Variants in CASK observed in about 807,000 individuals in gnomAD.
CASK encodes calcium/calmodulin dependent serine protein kinase.
A neutral mutation model predicts 82.9 loss-of-function variants in CASK; 4 were observed. That is an observed-to-expected ratio of 0.05 (90% CI 0.02 to 0.11). CASK has a LOEUF of 0.11. Ranked by LOEUF, CASK falls within the 10% of genes least tolerant of loss-of-function variation. The probability of loss-of-function intolerance (pLI) is 1.00; values close to 1 mark genes in which losing one functional copy is unlikely to be tolerated. For synonymous variants in CASK, 259 were observed against 253.5 expected, an observed-to-expected ratio of 1.02 and a Z score of -0.20; for missense variants, 358 against 720.9, an observed-to-expected ratio of 0.50 and a Z score of 5.76.
intron 3 of CASK, among the ~76,000 whole-genome samples, chrX:41,786,547 T>C (rs2069608779): frequency 9.1e-6 from 1 of 110,394 alleles, no homozygotes; most frequent in Admixed American, 9.7e-5. Context: ...ATTACAATTT[T>C]GAACAGAATA....
At chrX:41,696,173 G>A (rs1417774282) in intron 5 of CASK, 2 of 1,205,996 alleles carry the variant, frequency 1.7e-6, no homozygotes, top group South Asian at 1.8e-5. Context: ...TAGTATGGAT[G>A]CTTGCTCTTG....
chrX:41,530,065 C>G (rs1346242665), intron 25 of CASK, among the ~76,000 whole-genome samples: 2 of 111,637 alleles, frequency 1.8e-5, no homozygotes, highest in Non-Finnish European at 3.8e-5. Context: ...TTGAGGGAAG[C>G]TGGTCTACTA....
rs1163850833 is a variant in CASK at position 41,765,675 on chromosome X, A to G, written c.279-20074T>C. Among the ~76,000 whole-genome samples the G allele has an allele frequency of 8.1e-5, 9 of 111,776 alleles. No homozygotes were observed. In the Admixed American group the frequency reaches 8.6e-4, roughly 11 times the overall value. Reference sequence around the variant, plus strand: ...AAGTGTGTAAGAAGGGGGGTGGCACAAAATCATATACATATCTTCTCATAT... The same window carrying G: ...AAGTGTGTAAGAAGGGGGGTGGCACGAAATCATATACATATCTTCTCATAT... On this transcript the variant is annotated intron_variant, in intron 3 of 26. Coordinates refer to ENST00000378163, the MANE Select transcript of CASK (RefSeq NM_001367721.1).
chrX:41,620,481 TAC>T (rs1457574717), intron 11 of CASK, among the ~76,000 whole-genome samples: 1 of 111,951 alleles, frequency 8.9e-6, no homozygotes. Context: ...ATTGTATTAC[TAC>T]ACACACACAT....
intron 5 of CASK, among the ~76,000 whole-genome samples, chrX:41,718,623 G>A (rs2068105387): frequency 8.9e-6 from 1 of 112,529 alleles, no homozygotes; most frequent in African/African-American, 3.2e-5. Context: ...CTTGTTGAAT[G>A]AGAGAATAGA....
rs953094616 is a variant in CASK, at chrX:41,811,766, T to G, written c.173-24483A>C. On this transcript the variant is annotated intron_variant, in intron 2 of 26. Transcript: ENST00000378163. ...AGCAGAACTAAAGGAAATAGAGACA[T>G]AAAAAACCCTTCAAAAAATCAATGA... Among the ~76,000 whole-genome samples, 4 of 110,657 alleles carry G rather than the reference T, an allele frequency of 3.6e-5. 1 individual carries two copies. Among genetic ancestry groups the G allele is most frequent in the African/African-American group, 1.3e-4 (4 of 30,411 alleles).
At chrX:41,829,301 G>A (rs184528396) in intron 2 of CASK, among the ~76,000 whole-genome samples, 1 of 110,349 alleles carries the variant, frequency 9.1e-6, no homozygotes, top group Admixed American at 9.7e-5. Flanking sequence ...TTCCCCCACC[G>A]GTAACCACTA....
Position 41,840,280 on chromosome X carries a change from AT to A in CASK, c.172+12834del, listed in dbSNP as rs775813702. ...ATCAAAGTTTAGAAATTTCCTTTGTATGTATCTTGTATATATTTTGTTATGC... is the reference window on the plus strand; with the variant it reads ...ATCAAAGTTTAGAAATTTCCTTTGTAGTATCTTGTATATATTTTGTTATGC... On this transcript the variant is annotated intron_variant, in intron 2 of 26. Coordinates refer to ENST00000378163, the MANE Select transcript of CASK (RefSeq NM_001367721.1). Among the ~76,000 whole-genome samples, 5 of 111,780 alleles carry A rather than the reference AT, an allele frequency of 4.5e-5. No individual in the cohort carries two copies. In the South Asian group the frequency reaches 1.9e-3, roughly 41 times the overall value.
chrX:41,831,875 C>T (rs777530762), intron 2 of CASK, among the ~76,000 whole-genome samples: 15 of 111,252 alleles, frequency 1.3e-4, no homozygotes, highest in South Asian at 3.8e-4. Flanking sequence ...GCAGGAGAAT[C>T]GCTTGAACCC....
chrX:41,752,517 T>C (rs1394080853), intron 3 of CASK, among the ~76,000 whole-genome samples: 2 of 111,295 alleles, frequency 1.8e-5, no homozygotes, highest in African/African-American at 6.5e-5. Context: ...CTTGAGTTCC[T>C]GGCCTCAAGT....
At chrX:41,580,943 G>GA (rs1233409824) in intron 14 of CASK, among the ~76,000 whole-genome samples, 4 of 112,118 alleles carry the variant, frequency 3.6e-5, no homozygotes, top group Non-Finnish European at 7.5e-5. Flanking sequence ...GACTAGAGTG[G>GA]AAAAAATCTG....
intron 6 of CASK, 153 bp from the exon 7 acceptor site, chrX:41,665,605 C>T: frequency 4.1e-6 from 2 of 481,952 alleles, no homozygotes; most frequent in Admixed American, 7.6e-5. Context: ...ATCAAGTTCA[C>T]ATAGGTGAAA....
At chrX:41,769,218 C>T (rs2147789601) in intron 3 of CASK, among the ~76,000 whole-genome samples, 1 of 88,961 alleles carries the variant, frequency 1.1e-5, no homozygotes, top group South Asian at 5.8e-4. Context: ...TTTTTTGAGA[C>T]AGAGTCTCAC....
intron 22 of CASK, among the ~76,000 whole-genome samples, chrX:41,538,835 T>C (rs1033302590): frequency 6.3e-5 from 7 of 111,879 alleles, no homozygotes; most frequent in African/African-American, 9.7e-5. Flanking sequence ...ACTGGTAGCA[T>C]TGGGTTAAGG....
Position 41,854,234 on chromosome X carries a change from A to G in CASK, c.60-1007T>C, listed in dbSNP as rs960490141. 1.9e-3 allele frequency among the ~76,000 whole-genome samples: 203 copies of G among 105,977 alleles called. 2 individuals are homozygous for G. The highest frequency in any genetic ancestry group is 2.2e-3 in the Non-Finnish European group (110 of 51,014). The allele number at this position is 105,977 out of a possible 115,157, so 92.0% of individuals were successfully genotyped here. On this transcript the variant is annotated intron_variant, in intron 1 of 26. Transcript: ENST00000378163. The stretch of plus-strand genomic sequence containing the variant: ...CGCGCGCGGGCGCGCGCACACACAC[A>G]CACACACACACACACACACACACAC...
Position 41,523,961 on chromosome X carries a change from C to T in CASK, c.2594G>A (p.Gly865Asp), listed in dbSNP as rs1334633074. The T allele has an allele frequency of 8.4e-7, 1 of 1,195,108 alleles. No homozygotes were observed. The highest frequency in any genetic ancestry group is 1.8e-5 in the South Asian group (1 of 55,877). The change falls in exon 26 of 27, where the codon GGT becomes GAT. Residue 865 changes from glycine to aspartate, a missense_variant. Gly to Asp is a moderately conservative substitution (Grantham distance 94, BLOSUM62 -1). Coordinates refer to ENST00000378163, the MANE Select transcript of CASK (RefSeq NM_001367721.1). Reference protein sequence around the residue: ...VFIAAPTITPGLNEDESLQRL... With the variant: ...VFIAAPTITPDLNEDESLQRL... ...CAGATTGATTCTTACCTCATTTAAA[C>T]CTGGAGTAATAGTTGGTGCAGCAAT...
intron 2 of CASK, among the ~76,000 whole-genome samples, chrX:41,806,757 T>C (rs993564448): frequency 2.7e-5 from 3 of 112,095 alleles, no homozygotes; most frequent in Admixed American, 9.5e-5. Context: ...ATATGCCACC[T>C]TTTATCCAAG....
intron 11 of CASK, among the ~76,000 whole-genome samples, chrX:41,613,019 C>T (rs1162012111): frequency 9.5e-6 from 1 of 105,572 alleles, no homozygotes; most frequent in Non-Finnish European, 2.0e-5. Flanking sequence ...GGGGGGTCAG[C>T]CCCCCGCCTG....
intron 2 of CASK, among the ~76,000 whole-genome samples, chrX:41,850,268 T>G (rs1291344301): frequency 8.9e-6 from 1 of 112,286 alleles, no homozygotes. Flanking sequence ...GGTTGGAGAC[T>G]ATTAAAACAT....
Sources: gnomAD v4.1 joint callset for allele counts (sites outside exome capture counted in the v4.1 genomes callset) on GRCh38, gnomAD v4.1.1 for gene constraint, MANE v1.5 for transcripts, NCBI Gene and HGNC (gene_info 2026-07-23, HGNC 2026-07-21) for gene names.